Variants in ACVR1B observed in about 807,000 individuals in gnomAD.
ACVR1B encodes the protein activin A receptor type 1B.
Under a neutral mutation model 55.6 loss-of-function variants are expected in ACVR1B, and 15 were observed. That is an observed-to-expected ratio of 0.27 (90% CI 0.18 to 0.42). The LOEUF is 0.42. ACVR1B is among the 10% of genes least tolerant of loss of function. The pLI is 1.00. For missense variants in ACVR1B, 359 were observed against 670.1 expected (o/e 0.54, Z 5.13); for synonymous variants, 247 against 254.6 (o/e 0.97, Z 0.28).
intron 1 of ACVR1B, among the ~76,000 whole-genome samples, chr12:51,952,436 C>A (rs1466416954): frequency 6.6e-6 from 1 of 152,190 alleles, no homozygotes; most frequent in Admixed American, 6.5e-5. Context: ...GTCACATTTC[C>A]CCTTCACTCA....
intron 3 of ACVR1B, among the ~76,000 whole-genome samples, chr12:51,979,200 T>G (rs1941931306): frequency 1.4e-5 from 2 of 143,424 alleles, no homozygotes; most frequent in African/African-American, 5.3e-5. Context: ...GCACGGTGGC[T>G]CACACCTGTA....
chr12:51,982,195 G>A (rs940979251), intron 4 of ACVR1B, among the ~76,000 whole-genome samples: 3 of 152,188 alleles, frequency 2.0e-5, no homozygotes, highest in African/African-American at 4.8e-5. Context: ...GCAAGAACTG[G>A]TCAGGAAGAA....
chr12:51,974,544 A>AATGC (rs1465972447), intron 1 of ACVR1B, among the ~76,000 whole-genome samples: 1 of 152,144 alleles, frequency 6.6e-6, no homozygotes, highest in African/African-American at 2.4e-5. Flanking sequence ...CTCATGCGTG[A>AATGC]ATGCATGTGC....
intron 1 of ACVR1B, 141 bp downstream of exon 1, chr12:51,951,975 G>T: frequency 2.3e-6 from 1 of 433,732 alleles, no homozygotes. Context: ...AGGAGTCGGG[G>T]TGACCCCCAG....
intron 4 of ACVR1B, chr12:51,982,634 G>C (rs1942001372): frequency 1.4e-5 from 21 of 1,461,626 alleles, no homozygotes; most frequent in Non-Finnish European, 1.8e-5. Flanking sequence ...AGAAGTTAGT[G>C]TCTACAAAGC....
chr12:51,987,348 A>T, intron 7 of ACVR1B: 1 of 506,482 alleles, frequency 2.0e-6, no homozygotes, highest in Non-Finnish European at 3.5e-6. Flanking sequence ...TTCATTGTTA[A>T]AATAATAGTG....
chr12:51,992,342 A>G, intron 8 of ACVR1B: 1 of 357,574 alleles, frequency 2.8e-6, no homozygotes, highest in Non-Finnish European at 5.0e-6. Flanking sequence ...CCATCTCTAC[A>G]AGAAATAAAA....
chr12:51,992,935 T>TA (rs2120764865), intron 8 of ACVR1B, among the ~76,000 whole-genome samples: 1 of 152,372 alleles, frequency 6.6e-6, no homozygotes, highest in African/African-American at 2.4e-5. Context: ...TTCGCCTAGC[T>TA]AAGTGCTCAT....
At position 51,994,160 on chromosome 12, in the gene ACVR1B, C is replaced by A; in HGVS notation, c.*50C>A. The A allele has an allele frequency of 6.2e-7, 1 of 1,603,004 alleles. No homozygotes were observed. The highest frequency in any genetic ancestry group is 8.5e-7 in the Non-Finnish European group (1 of 1,177,628). ...TCCTGGCAGCGAGAACTACGCACAG[C>A]TGCCGCGTTGAGCGTACGATGGAGG... On this transcript the variant is annotated 3_prime_UTR_variant, in exon 9 of 9. Transcript: ENST00000257963. This position sits in a 1 kb window ranked among gnomAD's most constrained non-coding sequence, Gnocchi z 4.2.
intron 5 of ACVR1B, 40 bp downstream of exon 5, chr12:51,984,206 A>G (rs753866403): frequency 1.2e-6 from 2 of 1,611,218 alleles, no homozygotes; most frequent in East Asian, 2.2e-5. Flanking sequence ...TGGTGTAGGC[A>G]TGAAAGGTCC....
At chr12:51,981,323 GT>G (rs1234014646) in intron 4 of ACVR1B, 124 bp downstream of exon 4, 2 of 772,366 alleles carry the variant, frequency 2.6e-6, no homozygotes, top group Non-Finnish European at 4.1e-6. Context: ...CTTGAGTAAG[GT>G]CAAGGTTTCC....
chr12:51,979,163 CAAAAAA>C (rs1164099929), intron 3 of ACVR1B, among the ~76,000 whole-genome samples: 1 of 57,108 alleles, frequency 1.8e-5, no homozygotes, highest in Non-Finnish European at 3.4e-5. Context: ...AGCTCCGTCT[CAAAAAA>C]AAAAAAAAAA....
At chr12:51,990,810 T>C (rs1942176458) in intron 7 of ACVR1B, among the ~76,000 whole-genome samples, 1 of 152,212 alleles carries the variant, frequency 6.6e-6, no homozygotes, top group Admixed American at 6.5e-5. Flanking sequence ...ATCCAGGTCA[T>C]TTGTCCTGTA....
In ACVR1B at chr12:51,994,196, G is replaced by C; in HGVS notation, c.*86G>C. ...AGCGTACGATGGAGGCCTACCTCTC[G>C]TTTCTGCCCAGCCCTCTGTGGCCAG... On this transcript the variant is annotated 3_prime_UTR_variant, in exon 9 of 9. Transcript: ENST00000257963. This position sits in a 1 kb window ranked among gnomAD's most constrained non-coding sequence, Gnocchi z 4.2. 1 of 1,554,466 alleles carries C rather than the reference G, an allele frequency of 6.4e-7. No homozygotes were observed. The highest frequency in any genetic ancestry group is 8.7e-7 in the Non-Finnish European group (1 of 1,152,978).
chr12:51,975,756 G>A (rs546773788), intron 2 of ACVR1B, among the ~76,000 whole-genome samples: 461 of 152,308 alleles, frequency 3.0e-3, no homozygotes, highest in Middle Eastern at 6.8e-3. Flanking sequence ...CATAGGCAGC[G>A]GTGAGGAGTG....
At chr12:51,952,870 A>T (rs1286385188) in intron 1 of ACVR1B, among the ~76,000 whole-genome samples, 1 of 110,508 alleles carries the variant, frequency 9.0e-6, no homozygotes, top group East Asian at 2.6e-4. Context: ...GGCTCGCCTT[A>T]TACCACCCCC....
At chr12:51,985,128 A>G (rs1942052418) in intron 5 of ACVR1B, 64 bp from the exon 6 acceptor site, 1 of 1,509,116 alleles carries the variant, frequency 6.6e-7, no homozygotes, top group Non-Finnish European at 8.9e-7. Flanking sequence ...GTCTGGCTGC[A>G]TAGTCTATGC....
intron 4 of ACVR1B, among the ~76,000 whole-genome samples, chr12:51,982,351 A>T (rs1941996025): frequency 6.6e-6 from 1 of 152,208 alleles, no homozygotes; most frequent in Non-Finnish European, 1.5e-5. Context: ...TTCCATTCTG[A>T]AGATAGTGGG....
rs1231182782 is a variant in ACVR1B, at chr12:51,995,044, G to C, written c.*934G>C. 6.5e-6 allele frequency: 1 copy of C among 152,966 alleles called. No individual in the cohort carries two copies. The highest frequency in any genetic ancestry group is 6.5e-5 in the Admixed American group (1 of 15,280). 9.5% of individuals were successfully genotyped at this position (152,966 alleles called of 1,614,324 possible). Reference sequence around the variant, plus strand: ...AAGAGGCTTTTGGGCCAAAATGTGAGGGTGGTGGGTGGGATGGGCAGGGAA... The same window carrying C: ...AAGAGGCTTTTGGGCCAAAATGTGACGGTGGTGGGTGGGATGGGCAGGGAA... On this transcript the variant is annotated 3_prime_UTR_variant, in exon 9 of 9. Coordinates refer to ENST00000257963, the MANE Select transcript of ACVR1B (RefSeq NM_004302.5).
Sources: allele counts gnomAD v4.1 joint callset (sites outside exome capture counted in the v4.1 genomes callset), GRCh38; gene constraint gnomAD v4.1.1; non-coding constraint Gnocchi (gnomAD v3.1); transcripts MANE v1.5; gene names NCBI Gene and HGNC (gene_info 2026-07-23, HGNC 2026-07-21).